Variants in COL6A6 observed in about 807,000 individuals in gnomAD.
The protein encoded by COL6A6 is collagen type VI alpha 6 chain, also known as collagen alpha-6(VI) chain.
Under a neutral mutation model 208.6 loss-of-function variants are expected in COL6A6, and 183 were observed. The ratio of observed to expected loss-of-function variants is 0.88; its 90% CI spans 0.78 to 0.99. The LOEUF (loss-of-function observed/expected upper bound fraction) is 0.99. COL6A6 is among the 50% of genes least tolerant of loss of function. The probability of loss-of-function intolerance (pLI) is 0.00; values close to 1 mark genes in which losing one functional copy is unlikely to be tolerated. For synonymous variants in COL6A6, 973 were observed against 1,011.8 expected, an observed-to-expected ratio of 0.96 and a Z score of 0.73; for missense variants, 2,816 against 2,815.2, an observed-to-expected ratio of 1.00 and a Z score of -0.01.
chr3:130,635,651 G>A (rs1414232157), intron 27 of COL6A6, 48 bp from the exon 28 acceptor site: 2 of 1,212,832 alleles, frequency 1.6e-6, no homozygotes, highest in Admixed American at 3.9e-5. Flanking sequence ...TGTTACATAT[G>A]TATATGTTTG....
At chr3:130,646,923 A>G (rs2065477452) in intron 32 of COL6A6, among the ~76,000 whole-genome samples, 1 of 152,168 alleles carries the variant, frequency 6.6e-6, no homozygotes, top group South Asian at 2.1e-4. Context: ...AGGGTAGGAA[A>G]TGTCAAAGCC....
At chr3:130,651,110 C>A (rs917726222) in intron 33 of COL6A6, among the ~76,000 whole-genome samples, 1 of 152,170 alleles carries the variant, frequency 6.6e-6, no homozygotes, top group South Asian at 2.1e-4. Flanking sequence ...TGCATTAGTG[C>A]CAGTACGTAG....
At chr3:130,592,645 A>C in intron 14 of COL6A6, 33 bp downstream of exon 14, 3 of 1,612,264 alleles carry the variant, frequency 1.9e-6, no homozygotes, top group South Asian at 2.2e-5. Context: ...GAGTTTTCTC[A>C]ATATTAATTA....
chr3:130,655,074 C>T (rs959860169), intron 33 of COL6A6, among the ~76,000 whole-genome samples: 1 of 152,160 alleles, frequency 6.6e-6, no homozygotes, highest in African/African-American at 2.4e-5. Flanking sequence ...GTGATGTTAT[C>T]TGTAGGAGTA....
chr3:130,598,687 T>TA (rs1378088138), intron 19 of COL6A6, among the ~76,000 whole-genome samples: 2 of 152,210 alleles, frequency 1.3e-5, no homozygotes, highest in African/African-American at 4.8e-5. Flanking sequence ...TTCATGAATA[T>TA]AAACATTGGA....
chr3:130,641,642 C>G lies in COL6A6; in HGVS notation c.5092-10C>G, dbSNP rs756860912. 2 of 1,516,118 alleles carry G rather than the reference C, an allele frequency of 1.3e-6. No individual in the cohort carries two copies. The highest frequency in any genetic ancestry group is 1.2e-5 in the South Asian group (1 of 84,298). 93.9% of individuals were successfully genotyped at this position (1,516,118 alleles called of 1,614,324 possible). On this transcript the variant is annotated splice_polypyrimidine_tract_variant and intron_variant, in intron 28 of 36. Transcript: ENST00000358511. ...TATAAATACAATTTTAAAATAAATT[C>G]TCCTTTGAGATATCTGCTGGGCTTC...
chr3:130,652,505 C>A (rs952702285), intron 33 of COL6A6, among the ~76,000 whole-genome samples: 2 of 152,138 alleles, frequency 1.3e-5, no homozygotes, highest in African/African-American at 4.8e-5. Flanking sequence ...ATCTTATACA[C>A]CAGGTACTGT....
At chr3:130,637,988 A>G (rs920201538) in intron 28 of COL6A6, among the ~76,000 whole-genome samples, 3 of 152,072 alleles carry the variant, frequency 2.0e-5, no homozygotes, top group Non-Finnish European at 4.4e-5. Flanking sequence ...TCCAGCATCA[A>G]CTACCCTCTG....
intron 32 of COL6A6, among the ~76,000 whole-genome samples, chr3:130,648,568 ACT>A (rs1398686281): frequency 6.6e-6 from 1 of 151,952 alleles, no homozygotes; most frequent in East Asian, 1.9e-4. Context: ...TGTATTGCCT[ACT>A]CTCTTTGCGT....
chr3:130,589,259 G>A, intron 12 of COL6A6, 77 bp downstream of exon 12: 4 of 997,538 alleles, frequency 4.0e-6, no homozygotes, highest in South Asian at 1.4e-5. Context: ...AGAAATAAGG[G>A]GTGATTTTTA....
chr3:130,530,023 A>G (rs1490005524), intron 1 of COL6A6, among the ~76,000 whole-genome samples: 3 of 152,188 alleles, frequency 2.0e-5, no homozygotes, highest in Non-Finnish European at 2.9e-5. Flanking sequence ...GAGGCTCACC[A>G]TGACCTACTG....
intron 12 of COL6A6, among the ~76,000 whole-genome samples, chr3:130,589,410 A>G (rs1311644912): frequency 6.6e-6 from 1 of 152,232 alleles, no homozygotes; most frequent in Non-Finnish European, 1.5e-5. Context: ...AACAACTGTC[A>G]AGATCCTTGA....
intron 1 of COL6A6, among the ~76,000 whole-genome samples, chr3:130,531,839 CAG>C (rs1031629167): frequency 1.3e-5 from 2 of 152,154 alleles, no homozygotes; most frequent in African/African-American, 4.8e-5. Context: ...ATGAGAAGAG[CAG>C]AGTCTACCTC....
intron 36 of COL6A6, among the ~76,000 whole-genome samples, chr3:130,674,311 G>A (rs2066306442): frequency 6.6e-6 from 1 of 152,164 alleles, no homozygotes; most frequent in Admixed American, 6.5e-5. Context: ...TGCCATATAG[G>A]TAGTACAGAT....
At position 130,571,276 on chromosome 3, in the gene COL6A6, G is replaced by A. The variant is rs184500867; in HGVS notation, c.2860G>A (p.Val954Met). The change falls in exon 7 of 37, where the codon GTG (valine) becomes ATG (methionine). Residue 954 changes from valine to methionine, a missense_variant. Transcript: ENST00000358511. ...LAVGIDGANP[V>M]ELLAMAGSSD... Reference sequence around the variant, plus strand: ...TGTGGGGATTGATGGTGCCAATCCCGTGGAGCTGTTAGCCATGGCAGGATC... The same window carrying A: ...TGTGGGGATTGATGGTGCCAATCCCATGGAGCTGTTAGCCATGGCAGGATC... 45 of 1,614,044 alleles carry A rather than the reference G, an allele frequency of 2.8e-5. No homozygotes were observed. In the Middle Eastern group the frequency reaches 5.0e-4, roughly 18 times the overall value.
intron 10 of COL6A6, among the ~76,000 whole-genome samples, chr3:130,584,773 C>G (rs987933212): frequency 5.3e-5 from 8 of 151,916 alleles, no homozygotes; most frequent in Admixed American, 1.3e-4. Context: ...TGCCACCACA[C>G]CCGGCTAATT....
intron 15 of COL6A6, 39 bp downstream of exon 15, chr3:130,592,761 T>A (rs2063751969): frequency 6.6e-7 from 1 of 1,503,930 alleles, no homozygotes; most frequent in African/African-American, 1.4e-5. Flanking sequence ...ACCCATATGT[T>A]ATCTAGAAAT....
chr3:130,580,980 C>T (rs2063404883), intron 8 of COL6A6, among the ~76,000 whole-genome samples: 1 of 151,656 alleles, frequency 6.6e-6, no homozygotes, highest in African/African-American at 2.4e-5. Flanking sequence ...AGCAAGATCT[C>T]AAAGGATCTC....
chr3:130,567,051 G>C lies in COL6A6; in HGVS notation c.1632G>C (p.Leu544=), dbSNP rs1430010163. The C allele has an allele frequency of 6.2e-7, 1 of 1,613,924 alleles. No homozygotes were observed. The highest frequency in any genetic ancestry group is 1.3e-5 in the African/African-American group (1 of 74,944). Residue 544 remains leucine (L), a synonymous_variant, in exon 5 of 37, where the codon CTG becomes CTC. Coordinates refer to ENST00000358511, the MANE Select transcript of COL6A6 (RefSeq NM_001102608.3). Reference sequence around the variant, plus strand: ...AAGTTCCATGCCACCTTGTTGTCCTGACAAATGGCATGTCCAAGGATAGCA... The same window carrying C: ...AAGTTCCATGCCACCTTGTTGTCCTCACAAATGGCATGTCCAAGGATAGCA... ...GNKVPCHLVV[L]TNGMSKDSIL...
Sources: allele counts gnomAD v4.1 joint callset (sites outside exome capture counted in the v4.1 genomes callset), GRCh38; gene constraint gnomAD v4.1.1; transcripts MANE v1.5; gene names NCBI Gene and HGNC (gene_info 2026-07-23, HGNC 2026-07-21).